DMD: variants seen among roughly 807,000 people sequenced by gnomAD.
The protein encoded by DMD is mutant dystrophin.
Under a neutral mutation model 330.1 loss-of-function variants are expected in DMD, and 63 were observed. That is an observed-to-expected ratio of 0.19 (90% CI 0.16 to 0.24). DMD has a LOEUF of 0.24. DMD is among the 10% of genes least tolerant of loss of function. DMD has a pLI of 1.00. For missense variants in DMD, 3,344 were observed against 2,684.1 expected (o/e 1.25, Z -5.43); for synonymous variants, 1,223 against 959.8 (o/e 1.27, Z -5.07).
intron 76 of DMD, among the ~76,000 whole-genome samples, chrX:31,142,988 A>C (rs1602111312): frequency 8.9e-6 from 1 of 112,292 alleles, no homozygotes; most frequent in Non-Finnish European, 1.9e-5. Flanking sequence ...TCGGGGTTGC[A>C]TATTTAAAGA....
At chrX:32,592,689 G>GC (rs932624269) in intron 13 of DMD, among the ~76,000 whole-genome samples, 22 of 112,086 alleles carry the variant, frequency 2.0e-4, no homozygotes, top group Admixed American at 1.9e-3. Flanking sequence ...GCTGAAACAT[G>GC]CCCCCCACTC....
chrX:31,189,326 C>T (rs758195324), intron 67 of DMD, among the ~76,000 whole-genome samples: 6 of 110,917 alleles, frequency 5.4e-5, no homozygotes, highest in Non-Finnish European at 7.6e-5. Context: ...CTTCCTGGCC[C>T]GCCGCAGCCC....
At chrX:31,574,992 A>C (rs1373374063) in intron 55 of DMD, among the ~76,000 whole-genome samples, 1 of 111,959 alleles carries the variant, frequency 8.9e-6, no homozygotes, top group Non-Finnish European at 1.9e-5. Flanking sequence ...ATACATGTTA[A>C]TAAGTCCCTC....
chrX:31,509,809 T>A (rs972521566), intron 55 of DMD, among the ~76,000 whole-genome samples: 15 of 112,417 alleles, frequency 1.3e-4, no homozygotes, highest in East Asian at 5.6e-4. Context: ...GACTGATTTA[T>A]TGTCTAGTTT....
intron 55 of DMD, among the ~76,000 whole-genome samples, chrX:31,584,961 T>G (rs1448738599): frequency 9.1e-6 from 1 of 109,614 alleles, no homozygotes; most frequent in Non-Finnish European, 1.9e-5. Flanking sequence ...AGTCACACAA[T>G]AGCCAGAATA....
chrX:32,601,573 C>G (rs1412175711), intron 12 of DMD, among the ~76,000 whole-genome samples: 1 of 111,406 alleles, frequency 9.0e-6, no homozygotes, highest in Non-Finnish European at 1.9e-5. Flanking sequence ...TAATGTACTC[C>G]TACATATGGA....
intron 55 of DMD, among the ~76,000 whole-genome samples, 177 bp from the exon 56 acceptor site, chrX:31,507,630 T>C (rs1306252856): frequency 1.8e-5 from 2 of 112,597 alleles, no homozygotes; most frequent in African/African-American, 6.4e-5. Context: ...TATTGCCTTC[T>C]CCTGTTATTA....
intron 47 of DMD, among the ~76,000 whole-genome samples, chrX:31,876,474 T>C (rs1424888930): frequency 8.9e-6 from 1 of 111,763 alleles, no homozygotes; most frequent in Admixed American, 9.5e-5. Flanking sequence ...TGAACATACC[T>C]TAGAGCAATA....
intron 60 of DMD, among the ~76,000 whole-genome samples, chrX:31,436,390 T>C (rs911063076): frequency 9.9e-5 from 11 of 111,474 alleles, no homozygotes; most frequent in Admixed American, 2.9e-4. Flanking sequence ...ATTCCCATTT[T>C]ATACTTCATA....
At chrX:32,447,357 C>A (rs1030713976) in intron 27 of DMD, among the ~76,000 whole-genome samples, 1 of 110,070 alleles carries the variant, frequency 9.1e-6, no homozygotes, top group Admixed American at 9.7e-5. Flanking sequence ...ATAGAAGGCA[C>A]TTTTCAAGAG....
intron 41 of DMD, among the ~76,000 whole-genome samples, chrX:32,313,521 T>G (rs936459396): frequency 2.7e-5 from 3 of 111,402 alleles, no homozygotes; most frequent in African/African-American, 9.8e-5. Flanking sequence ...TCACCACTCC[T>G]ATTCAACATA....
At chrX:32,792,455 G>T (rs1175171449) in intron 7 of DMD, among the ~76,000 whole-genome samples, 2 of 111,487 alleles carry the variant, frequency 1.8e-5, no homozygotes, top group Non-Finnish European at 3.8e-5. Context: ...AAAGAAATAA[G>T]CCCTCACATA....
chrX:31,517,395 G>T (rs779099024), intron 55 of DMD, among the ~76,000 whole-genome samples: 1 of 111,860 alleles, frequency 8.9e-6, no homozygotes, highest in East Asian at 2.8e-4. Flanking sequence ...ACTGCATGAA[G>T]ATGGGAGCCA....
chrX:32,783,444 T>C (rs1432805685), intron 7 of DMD, among the ~76,000 whole-genome samples: 2 of 106,470 alleles, frequency 1.9e-5, no homozygotes, highest in African/African-American at 3.4e-5. Context: ...AAAAAATAAA[T>C]TGTTTCCCAA....
chrX:33,064,361 A>T (rs184426145), intron 1 of DMD, among the ~76,000 whole-genome samples: 1 of 111,568 alleles, frequency 9.0e-6, no homozygotes, highest in South Asian at 3.7e-4. Flanking sequence ...GAAGACTATC[A>T]CATAATGAAA....
intron 48 of DMD, among the ~76,000 whole-genome samples, chrX:31,864,165 A>G (rs982637472): frequency 1.8e-5 from 2 of 111,390 alleles, no homozygotes; most frequent in Non-Finnish European, 3.8e-5. Context: ...TATAAATACA[A>G]TGGTCTGAAT....
At chrX:32,127,495 T>C (rs924573619) in intron 44 of DMD, among the ~76,000 whole-genome samples, 1 of 111,290 alleles carries the variant, frequency 9.0e-6, no homozygotes, top group Admixed American at 9.6e-5. Flanking sequence ...TCCAGCCCTT[T>C]GTACTTTTTT....
chrX:31,622,298 GAC>G (rs774285230), intron 55 of DMD, among the ~76,000 whole-genome samples: 15 of 106,505 alleles, frequency 1.4e-4, no homozygotes, highest in African/African-American at 2.0e-4. Context: ...CACACCGACA[GAC>G]ACACACACAC....
At chrX:31,219,106 T>C (rs920349673) in intron 64 of DMD, among the ~76,000 whole-genome samples, 7 of 111,877 alleles carry the variant, frequency 6.3e-5, no homozygotes, top group African/African-American at 2.3e-4. Context: ...TCAGTTCCTT[T>C]ACTACTTCTT....
Sources: gnomAD v4.1 joint callset for allele counts (sites outside exome capture counted in the v4.1 genomes callset) on GRCh38, gnomAD v4.1.1 for gene constraint, MANE v1.5 for transcripts, NCBI Gene and HGNC (gene_info 2026-07-23, HGNC 2026-07-21) for gene names.